PTPRD: variants seen among roughly 807,000 people sequenced by gnomAD.
The protein encoded by PTPRD is protein tyrosine phosphatase receptor type D.
A neutral mutation model predicts 214.5 loss-of-function variants in PTPRD; 34 were observed. The observed-to-expected ratio is 0.16, with a 90% confidence interval of 0.12 to 0.21. The LOEUF (loss-of-function observed/expected upper bound fraction) is 0.21, where lower values mean the gene tolerates loss of function less well. PTPRD is among the 10% of genes least tolerant of loss of function. The probability of loss-of-function intolerance (pLI) is 1.00; values close to 1 mark genes in which losing one functional copy is unlikely to be tolerated. For missense variants in PTPRD, 2,545 were observed against 2,398.7 expected (o/e 1.06, Z -1.27); for synonymous variants, 1,128 against 845.7 (o/e 1.33, Z -5.79).
At chr9:9,188,292 G>C (rs2099932901) in intron 9 of PTPRD, among the ~76,000 whole-genome samples, 1 of 152,012 alleles carries the variant, frequency 6.6e-6, no homozygotes, top group South Asian at 2.1e-4. Context: ...TGGACATTGG[G>C]TAATTTCCAG....
intron 19 of PTPRD, 37 bp from the exon 20 acceptor site, chr9:8,521,583 A>C: frequency 6.3e-7 from 1 of 1,597,120 alleles, no homozygotes; most frequent in Non-Finnish European, 8.5e-7. Context: ...AACATATACA[A>C]GGCAAGAAAA....
intron 9 of PTPRD, among the ~76,000 whole-genome samples, chr9:9,227,810 A>G (rs2099960508): frequency 6.6e-6 from 1 of 152,146 alleles, no homozygotes; most frequent in Admixed American, 6.6e-5. Flanking sequence ...TGGATCCTCC[A>G]GCCCTTTCCA....
intron 14 of PTPRD, among the ~76,000 whole-genome samples, chr9:8,605,754 T>A (rs1252294216): frequency 3.9e-5 from 6 of 152,224 alleles, no homozygotes; most frequent in African/African-American, 1.4e-4. Flanking sequence ...TACCTTGTGC[T>A]TCAACAGACT....
intron 5 of PTPRD, among the ~76,000 whole-genome samples, chr9:9,774,536 G>A (rs1473665833): frequency 1.3e-5 from 2 of 152,086 alleles, no homozygotes; most frequent in Admixed American, 1.3e-4. Flanking sequence ...ATCTCATAGT[G>A]AATACCATCA....
At chr9:9,007,203 A>G (rs894364462) in intron 11 of PTPRD, among the ~76,000 whole-genome samples, 1 of 151,816 alleles carries the variant, frequency 6.6e-6, no homozygotes, top group Non-Finnish European at 1.5e-5. Context: ...AGAAATATAC[A>G]GTAATCTGTT....
At chr9:8,835,821 A>C (rs1308811489) in intron 11 of PTPRD, among the ~76,000 whole-genome samples, 1 of 152,176 alleles carries the variant, frequency 6.6e-6, no homozygotes, top group African/African-American at 2.4e-5. Flanking sequence ...CATAGGCATG[A>C]GCCACTTCAC....
At chr9:9,945,020 A>C (rs1008093751) in intron 4 of PTPRD, among the ~76,000 whole-genome samples, 1 of 152,118 alleles carries the variant, frequency 6.6e-6, no homozygotes, top group African/African-American at 2.4e-5. Context: ...TAGCTAGAAT[A>C]TGGATTTGTC....
Position 8,515,690 on chromosome 9 carries a change from G to A in PTPRD, c.1543+2158C>T, listed in dbSNP as rs548951267. 2.0e-5 allele frequency among the ~76,000 whole-genome samples: 3 copies of A among 152,220 alleles called. No homozygotes were observed. In the South Asian group the frequency reaches 6.2e-4, roughly 32 times the overall value. ...TGTCATGGTACAGCAAAGATTGCCA[G>A]CAAACCAACCAACAGAAGTTAGGGC... On this transcript the variant is annotated intron_variant, in intron 21 of 45. Coordinates refer to ENST00000381196, the MANE Select transcript of PTPRD (RefSeq NM_002839.4).
At chr9:9,421,530 G>C (rs893554490) in intron 8 of PTPRD, among the ~76,000 whole-genome samples, 2 of 151,976 alleles carry the variant, frequency 1.3e-5, no homozygotes, top group African/African-American at 4.8e-5. Context: ...CAACAAAAGT[G>C]TTTTCTTATT....
intron 11 of PTPRD, among the ~76,000 whole-genome samples, chr9:8,963,659 G>A (rs1278614255): frequency 6.6e-6 from 1 of 151,512 alleles, no homozygotes; most frequent in Non-Finnish European, 1.5e-5. Context: ...TTGCACTGTT[G>A]CCCAGTCTGA....
At chr9:9,573,217 C>G (rs2087105895) in intron 8 of PTPRD, among the ~76,000 whole-genome samples, 1 of 151,348 alleles carries the variant, frequency 6.6e-6, no homozygotes. Context: ...TAATGTTGAG[C>G]AAAAGAAACA....
At chr9:10,369,654 T>A (rs913415200) in intron 2 of PTPRD, among the ~76,000 whole-genome samples, 3 of 152,096 alleles carry the variant, frequency 2.0e-5, no homozygotes, top group East Asian at 3.9e-4. Context: ...TAAGTAATAA[T>A]TGCTGACTGC....
At chr9:8,473,870 CA>C (rs1376640756) in intron 30 of PTPRD, among the ~76,000 whole-genome samples, 7 of 152,182 alleles carry the variant, frequency 4.6e-5, no homozygotes, top group Non-Finnish European at 1.0e-4. Context: ...AAGCTTGCTT[CA>C]AAGCAGCTCT....
chr9:9,787,810 C>T (rs1444046986), intron 5 of PTPRD, among the ~76,000 whole-genome samples: 2 of 141,254 alleles, frequency 1.4e-5, no homozygotes, highest in Non-Finnish European at 3.2e-5. Context: ...GAGACAGTGT[C>T]TTGCTCTGTC....
intron 5 of PTPRD, among the ~76,000 whole-genome samples, chr9:9,885,860 T>TAA (rs998466102): frequency 6.8e-6 from 1 of 147,206 alleles, no homozygotes; most frequent in African/African-American, 2.5e-5. Flanking sequence ...CACAACAGGT[T>TAA]AAAAAAAAAA....
At chr9:10,482,128 T>C (rs1444659005) in intron 2 of PTPRD, among the ~76,000 whole-genome samples, 4 of 152,094 alleles carry the variant, frequency 2.6e-5, no homozygotes, top group Admixed American at 2.0e-4. Context: ...TCCCAGCATT[T>C]TGGGAGGCCC....
chr9:10,105,746 A>G (rs1458607690), intron 3 of PTPRD, among the ~76,000 whole-genome samples: 1 of 151,518 alleles, frequency 6.6e-6, no homozygotes, highest in Non-Finnish European at 1.5e-5. Context: ...CTTCTGAAAA[A>G]CCTGTTCTAT....
At chr9:9,104,558 A>G (rs773360828) in intron 10 of PTPRD, among the ~76,000 whole-genome samples, 4 of 152,158 alleles carry the variant, frequency 2.6e-5, no homozygotes, top group Non-Finnish European at 5.9e-5. Context: ...GCCCACTGTA[A>G]TTTTCACTGA....
chr9:9,693,411 G>C (rs962195631), intron 7 of PTPRD, among the ~76,000 whole-genome samples: 1 of 152,046 alleles, frequency 6.6e-6, no homozygotes, highest in African/African-American at 2.4e-5. Flanking sequence ...TGCCATGTAA[G>C]ACATGCCAGC....
Sources: allele counts gnomAD v4.1 joint callset (sites outside exome capture counted in the v4.1 genomes callset), GRCh38; gene constraint gnomAD v4.1.1; transcripts MANE v1.5; gene names NCBI Gene and HGNC (gene_info 2026-07-23, HGNC 2026-07-21).